DSG1: variants seen among roughly 807,000 people sequenced by gnomAD.
DSG1 encodes the protein desmoglein 1.
A neutral mutation model predicts 97.5 loss-of-function variants in DSG1; 39 were observed. The observed-to-expected ratio is 0.40, with a 90% CI of 0.31 to 0.52. DSG1 has a LOEUF of 0.52. Among genes scored for constraint, DSG1 ranks in the 20% least tolerant of loss-of-function variants. DSG1 has a pLI of 0.53. For missense variants in DSG1, 1,311 were observed against 1,295.4 expected (o/e 1.01, Z -0.18); for synonymous variants, 475 against 443.4 (o/e 1.07, Z -0.90).
At position 31,318,360 on chromosome 18, in the gene DSG1, C is replaced by T. The variant is rs2071633116; in HGVS notation, c.48+12C>T. The T allele has an allele frequency of 1.2e-6, 2 of 1,609,212 alleles. No individual in the cohort carries two copies. Among genetic ancestry groups the T allele is most frequent in the South Asian group, 1.1e-5 (1 of 90,990 alleles). On this transcript the variant is annotated intron_variant, in intron 1 of 14. Coordinates refer to ENST00000257192, the MANE Select transcript of DSG1 (RefSeq NM_001942.4). ...TGTTCATTTTTCTGGTGAGTGGATTCTGGTAAAAGTCCTTCATAATCGTGC... is the reference window on the plus strand; with the variant it reads ...TGTTCATTTTTCTGGTGAGTGGATTTTGGTAAAAGTCCTTCATAATCGTGC...
At chr18:31,328,886 C>A (rs2071703250) in intron 4 of DSG1, among the ~76,000 whole-genome samples, 1 of 152,094 alleles carries the variant, frequency 6.6e-6, no homozygotes, top group African/African-American at 2.4e-5. Context: ...AAAATGCATC[C>A]ATTCTTAAGT....
rs141759043 is a variant in DSG1 at position 31,354,677 on chromosome 18, C to T, written c.2481C>T (p.Leu827=). The change falls in exon 15 of 15, where the codon CTC becomes CTT. Residue 827 remains leucine, a synonymous_variant. Coordinates refer to ENST00000257192, the MANE Select transcript of DSG1 (RefSeq NM_001942.4). ...GTGTACTGCATCCTAAGCCTATTCT[C>T]GATCCTCTGGGCTATGGTAATGTCA... The part of the protein sequence containing the change: ...GPGVLHPKPI[L]DPLGYGNVTV... 1,181 of 1,614,134 alleles carry T rather than the reference C, an allele frequency of 7.3e-4. 1 individual carries two copies. Among genetic ancestry groups the T allele is most frequent in the Non-Finnish European group, 9.4e-4 (1,111 of 1,180,024 alleles).
At chr18:31,334,505 C>T (rs1232759294) in intron 8 of DSG1, among the ~76,000 whole-genome samples, 1 of 151,986 alleles carries the variant, frequency 6.6e-6, no homozygotes, top group Non-Finnish European at 1.5e-5. Flanking sequence ...ATAATTAATC[C>T]TTAAGGTTAA....
chr18:31,337,245 G>A (rs992280223), intron 9 of DSG1, among the ~76,000 whole-genome samples: 6 of 151,468 alleles, frequency 4.0e-5, no homozygotes, highest in Non-Finnish European at 7.4e-5. Context: ...GGGGTTTTTT[G>A]TTTGTTTGTT....
At chr18:31,343,396 G>T in intron 11 of DSG1, 54 bp from the exon 12 acceptor site, 1 of 1,610,468 alleles carries the variant, frequency 6.2e-7, no homozygotes, top group Non-Finnish European at 8.5e-7. Context: ...AGGTTGTTTT[G>T]TTTTTTATTT....
intron 14 of DSG1, among the ~76,000 whole-genome samples, chr18:31,350,035 T>A (rs1372609018): frequency 3.8e-5 from 2 of 52,068 alleles, no homozygotes; most frequent in East Asian, 8.3e-4. Flanking sequence ...AGGGCATCCC[T>A]GTCTTGTGCC....
At position 31,318,281 on chromosome 18, in the gene DSG1, T is replaced by C; in HGVS notation, c.-20T>C. The C allele has an allele frequency of 6.2e-7, 1 of 1,610,524 alleles. No individual in the cohort carries two copies. ...CAAACAAAACTCCCTTGGTCTTGGA[T>C]GTAAGAGAATCCAGCAGAGATGGAC... On this transcript the variant is annotated 5_prime_UTR_variant, in exon 1 of 15. An upstream start codon of the reference 5' UTR is lost. Coordinates refer to ENST00000257192, the MANE Select transcript of DSG1 (RefSeq NM_001942.4).
intron 14 of DSG1, chr18:31,347,605 T>G (rs1185884326): frequency 6.6e-6 from 1 of 152,242 alleles, no homozygotes; most frequent in Non-Finnish European, 1.5e-5. Context: ...TCTGTTAACC[T>G]GAAAGTTTAC....
At chr18:31,331,635 G>A (rs762185928) in intron 5 of DSG1, 66 bp from the exon 6 acceptor site, 274 of 1,475,928 alleles carry the variant, frequency 1.9e-4, no homozygotes, top group Non-Finnish European at 2.4e-4. Flanking sequence ...TTTTGGAAAG[G>A]TGATATACTC....
At position 31,354,846 on chromosome 18, in the gene DSG1, C is replaced by G. The variant is rs748698964; in HGVS notation, c.2650C>G (p.Pro884Ala). The G allele has an allele frequency of 3.1e-6, 5 of 1,614,110 alleles. No individual in the cohort carries two copies. Among genetic ancestry groups the G allele is most frequent in the Non-Finnish European group, 4.2e-6 (5 of 1,180,014 alleles). ...GADLHGMLEM[P>A]DLRDGSNVIV... ...TGATTTGCATGGAATGTTAGAGATG[C>G]CTGACTTGCGAGATGGGTCGAATGT... The change falls in exon 15 of 15, where the codon CCT becomes GCT. Residue 884 changes from proline (P) to alanine (A), a missense_variant. Physicochemically the swap from Pro to Ala is conservative, Grantham distance 27. Transcript: ENST00000257192.
chr18:31,324,078 G>C (rs1003631373), intron 1 of DSG1, among the ~76,000 whole-genome samples: 6 of 145,886 alleles, frequency 4.1e-5, no homozygotes, highest in Non-Finnish European at 9.0e-5. Flanking sequence ...CCGCCTCCTG[G>C]GTTCCATTGA....
intron 8 of DSG1, 122 bp from the exon 9 acceptor site, chr18:31,336,232 G>C: frequency 1.3e-6 from 1 of 791,670 alleles, no homozygotes; most frequent in Non-Finnish European, 2.0e-6. Flanking sequence ...TTGTGTATTT[G>C]TGTGCATTTG....
chr18:31,343,712 T>A, intron 12 of DSG1, 129 bp downstream of exon 12: 2 of 1,407,794 alleles, frequency 1.4e-6, no homozygotes, highest in Non-Finnish European at 2.0e-6. Context: ...ATGGAGAAAA[T>A]GAAGAGGAAT....
chr18:31,324,173 G>A (rs2071671310), intron 1 of DSG1, among the ~76,000 whole-genome samples: 1 of 151,380 alleles, frequency 6.6e-6, no homozygotes, highest in East Asian at 2.0e-4. Context: ...TAGTGGAGAC[G>A]GGGTTTCACC....
At chr18:31,326,728 T>A (rs2071688060) in intron 2 of DSG1, 112 bp downstream of exon 2, 1 of 1,314,578 alleles carries the variant, frequency 7.6e-7, no homozygotes, top group Non-Finnish European at 1.1e-6. Flanking sequence ...CATATAATGC[T>A]AAAATTAATA....
intron 1 of DSG1, among the ~76,000 whole-genome samples, chr18:31,320,539 G>C (rs1217226684): frequency 6.6e-6 from 1 of 152,204 alleles, no homozygotes; most frequent in East Asian, 1.9e-4. Flanking sequence ...GGAGAACAAA[G>C]CTGGAGGAGC....
chr18:31,330,904 G>A (rs1194234348), intron 5 of DSG1, among the ~76,000 whole-genome samples: 1 of 151,966 alleles, frequency 6.6e-6, no homozygotes, highest in Admixed American at 6.6e-5. Flanking sequence ...ACATTTTAAA[G>A]GTTATGCTAC....
Position 31,336,608 on chromosome 18 carries a change from T to C in DSG1, c.1260T>C (p.Thr420=), listed in dbSNP as rs1293846376. Residue 420 remains threonine, a synonymous_variant, in exon 9 of 15, where the codon ACT becomes ACC. Transcript: ENST00000257192. ...TGGACACAGGTAGACCTTCAACGAC[T>C]GTTAGGTAAGAATGAGATTTTCAAC... ...TDLDTGRPST[T]VRYVMGNNPA... 1 of 1,614,060 alleles carries C rather than the reference T, an allele frequency of 6.2e-7. No individual in the cohort carries two copies. The highest frequency in any genetic ancestry group is 1.7e-5 in the Admixed American group (1 of 60,026).
At position 31,358,400 on chromosome 18, in the gene DSG1, G is replaced by A. The variant is rs142307725; in HGVS notation, c.*3054G>A. ...AATTAAAAGAAAAAGTACATATTTA[G>A]GGTTATTTATATATCTTCATCTAGA... On this transcript the variant is annotated 3_prime_UTR_variant, in exon 15 of 15. Coordinates refer to ENST00000257192, the MANE Select transcript of DSG1 (RefSeq NM_001942.4). Among the ~76,000 whole-genome samples, 8 of 152,030 alleles carry A rather than the reference G, an allele frequency of 5.3e-5. No individual in the cohort carries two copies. The East Asian group carries it at 1.5e-3, about 29-fold the overall frequency.
Sources: gnomAD v4.1 joint callset for allele counts (sites outside exome capture counted in the v4.1 genomes callset) on GRCh38, gnomAD v4.1.1 for gene constraint, MANE v1.5 for transcripts, NCBI Gene and HGNC (gene_info 2026-07-23, HGNC 2026-07-21) for gene names.